Variants in RALGPS1 observed in about 807,000 individuals in gnomAD.
RALGPS1 encodes ras-specific guanine nucleotide-releasing factor RalGPS1.
A neutral mutation model predicts 78.8 loss-of-function variants in RALGPS1; 19 were observed. The observed-to-expected ratio is 0.24, with a 90% confidence interval of 0.17 to 0.35. The LOEUF (loss-of-function observed/expected upper bound fraction) is 0.35. Ranked by LOEUF, RALGPS1 falls within the 10% of genes least tolerant of loss-of-function variation. The pLI is 1.00. For synonymous variants in RALGPS1, 228 were observed against 256.3 expected, an observed-to-expected ratio of 0.89 and a Z score of 1.06; for missense variants, 454 against 688.3, an observed-to-expected ratio of 0.66 and a Z score of 3.81.
chr9:127,093,626 T>C (rs2136486404), intron 8 of RALGPS1: 1 of 1,365,852 alleles, frequency 7.3e-7, no homozygotes, highest in East Asian at 2.3e-5. Context: ...GGCCTGGGCT[T>C]GGTCAGCATG....
chr9:127,046,672 CAAAAAAAA>C (rs71377987), intron 5 of RALGPS1, among the ~76,000 whole-genome samples: 6 of 40,462 alleles, frequency 1.5e-4, no homozygotes, highest in Non-Finnish European at 1.6e-4. Context: ...CCCATCCATA[CAAAAAAAA>C]AAAAAAAAAA....
intron 8 of RALGPS1, among the ~76,000 whole-genome samples, chr9:127,164,896 GTGTATA>G (rs2139577427): frequency 6.6e-6 from 1 of 152,174 alleles, no homozygotes; most frequent in East Asian, 1.9e-4. Context: ...ATATATATAT[GTGTATA>G]TGTATATATA....
chr9:126,980,731 T>C (rs192551685), intron 4 of RALGPS1, among the ~76,000 whole-genome samples: 90 of 152,290 alleles, frequency 5.9e-4, no homozygotes, highest in African/African-American at 2.1e-3. Flanking sequence ...ATATTAACCA[T>C]GGACCCTGTA....
chr9:127,185,129 C>T (rs2060556112), intron 11 of RALGPS1, among the ~76,000 whole-genome samples: 1 of 152,150 alleles, frequency 6.6e-6, no homozygotes, highest in African/African-American at 2.4e-5. Flanking sequence ...CGACGGTCAC[C>T]CCAAGTCCCC....
Position 127,211,122 on chromosome 9 carries a change from G to C in RALGPS1, c.1248-1009G>C, listed in dbSNP as rs2062228710. On this transcript the variant is annotated intron_variant, in intron 14 of 18. Coordinates refer to ENST00000259351, the MANE Select transcript of RALGPS1 (RefSeq NM_014636.3). This position sits in a 1 kb window ranked among gnomAD's most constrained non-coding sequence, Gnocchi z 5.0. ...GGAAGAGCTGGGTGATTCGAGTGAA[G>C]GGAAGGGAGTGTTGGAAGGAATGAG... Among the ~76,000 whole-genome samples, 1 of 152,258 alleles carries C rather than the reference G, an allele frequency of 6.6e-6. No homozygotes were observed. Among genetic ancestry groups the C allele is most frequent in the Admixed American group, 6.5e-5 (1 of 15,292 alleles).
intron 8 of RALGPS1, among the ~76,000 whole-genome samples, chr9:127,125,459 C>G (rs2056543231): frequency 6.6e-6 from 1 of 152,236 alleles, no homozygotes; most frequent in South Asian, 2.1e-4. Context: ...CTCCGAAGCT[C>G]TGTTTCCTCA....
chr9:127,024,207 T>C (rs907699255), intron 4 of RALGPS1, among the ~76,000 whole-genome samples: 8 of 151,988 alleles, frequency 5.3e-5, no homozygotes, highest in African/African-American at 1.9e-4. Flanking sequence ...AGGTTTACAA[T>C]GTGTAATATG....
chr9:127,023,838 C>T (rs565010840), intron 4 of RALGPS1, among the ~76,000 whole-genome samples: 1 of 152,236 alleles, frequency 6.6e-6, no homozygotes, highest in East Asian at 1.9e-4. Flanking sequence ...GATTTGGAGA[C>T]TAGCCTGGCC....
intron 4 of RALGPS1, among the ~76,000 whole-genome samples, chr9:127,014,582 CATA>C (rs778130993): frequency 1.3e-5 from 2 of 152,108 alleles, no homozygotes; most frequent in Non-Finnish European, 2.9e-5. Context: ...ATTATTATCT[CATA>C]ATAATTTCAT....
intron 8 of RALGPS1, among the ~76,000 whole-genome samples, chr9:127,165,378 C>T (rs1026604260): frequency 2.6e-5 from 4 of 152,260 alleles, no homozygotes; most frequent in African/African-American, 9.6e-5. Context: ...TCCTCAAATC[C>T]CCCCGGCTTA....
At chr9:127,184,158 T>C (rs1564743153) in intron 11 of RALGPS1, 5 of 1,046,408 alleles carry the variant, frequency 4.8e-6, no homozygotes, top group Non-Finnish European at 7.0e-6. Flanking sequence ...AAACCCCATC[T>C]CTACAAAAGT....
intron 5 of RALGPS1, among the ~76,000 whole-genome samples, chr9:127,037,339 C>A (rs1038543656): frequency 6.6e-6 from 1 of 152,310 alleles, no homozygotes; most frequent in African/African-American, 2.4e-5. Flanking sequence ...TAGTCTAGGC[C>A]GTGCTGCTAA....
intron 11 of RALGPS1, chr9:127,178,124 G>A: frequency 2.1e-6 from 2 of 944,354 alleles, no homozygotes; most frequent in South Asian, 1.6e-5. Flanking sequence ...GAGTTCTGGA[G>A]GATGATTGGC....
At chr9:126,969,902 C>G (rs1056981099) in intron 3 of RALGPS1, among the ~76,000 whole-genome samples, 1 of 152,148 alleles carries the variant, frequency 6.6e-6, no homozygotes, top group African/African-American at 2.4e-5. Context: ...CCTGCTGGAG[C>G]TAGTATGTCT....
intron 5 of RALGPS1, 108 bp from the exon 6 acceptor site, chr9:127,049,935 C>A: frequency 2.5e-6 from 2 of 810,962 alleles, no homozygotes; most frequent in Admixed American, 1.9e-5. Context: ...AGTTTCCTGA[C>A]CTCTTGGAAA....
intron 11 of RALGPS1, among the ~76,000 whole-genome samples, chr9:127,192,597 G>A (rs956708362): frequency 2.0e-5 from 3 of 152,134 alleles, no homozygotes; most frequent in Non-Finnish European, 2.9e-5. Flanking sequence ...GGTCGAGGCT[G>A]CAGCGAGCCA....
chr9:127,070,466 A>G (rs2050102363), intron 8 of RALGPS1, among the ~76,000 whole-genome samples: 1 of 152,224 alleles, frequency 6.6e-6, no homozygotes, highest in Non-Finnish European at 1.5e-5. Flanking sequence ...GCAAAAACGT[A>G]TGCCTTTTCA....
At chr9:127,067,214 G>A (rs763631771) in intron 7 of RALGPS1, among the ~76,000 whole-genome samples, 46 of 152,286 alleles carry the variant, frequency 3.0e-4, no homozygotes, top group Non-Finnish European at 5.4e-4. Context: ...CATTTTAGCA[G>A]ACCAGTTAAG....
chr9:127,009,009 C>G (rs1355151948), intron 4 of RALGPS1, among the ~76,000 whole-genome samples: 1 of 152,164 alleles, frequency 6.6e-6, no homozygotes, highest in Non-Finnish European at 1.5e-5. Flanking sequence ...TTTTTGCTTT[C>G]AAAATCCACG....
Sources: gnomAD v4.1 joint callset for allele counts (sites outside exome capture counted in the v4.1 genomes callset) on GRCh38, gnomAD v4.1.1 for gene constraint, Gnocchi (gnomAD v3.1) non-coding constraint, MANE v1.5 for transcripts, NCBI Gene and HGNC (gene_info 2026-07-23, HGNC 2026-07-21) for gene names.